MYH1: variants seen among roughly 807,000 people sequenced by gnomAD.
The protein encoded by MYH1 is myosin heavy chain 1, also known as myosin-1.
In MYH1, 214 loss-of-function variants were observed where a neutral mutation model predicts 225.6. That is an observed-to-expected ratio of 0.95 (90% CI 0.85 to 1.06). MYH1 has a LOEUF of 1.06. Ranked by LOEUF, MYH1 falls within the 50% of genes least tolerant of loss-of-function variation. The pLI is 0.00. For synonymous variants in MYH1, 774 were observed against 842.3 expected (o/e 0.92, Z 1.40); for missense variants, 2,098 against 2,344.2 (o/e 0.89, Z 2.17).
chr17:10,501,945 G>T, intron 24 of MYH1, 34 bp from the exon 25 acceptor site: 1 of 1,576,862 alleles, frequency 6.3e-7, no homozygotes, highest in South Asian at 1.2e-5. Context: ...ATGGTTCTTA[G>T]AATGGTAGCA....
At position 10,500,712 on chromosome 17, in the gene MYH1, A is replaced by T; in HGVS notation, c.3779T>A (p.Leu1260Gln). ...CTCTTCCTTGGTCTTAATTTCACTC[A>T]GTTGATCTTCTAGAGCGCGGCACAT... ...EKMCRALEDQ[L>Q]SEIKTKEEEQ... Residue 1260 changes from leucine to glutamine, a missense_variant, in exon 28 of 40, where the codon CTG (leucine) becomes CAG (glutamine). Leu to Gln is a moderately radical substitution (Grantham distance 113). Coordinates refer to ENST00000226207, the MANE Select transcript of MYH1 (RefSeq NM_005963.4). 1 of 1,614,070 alleles carries T rather than the reference A, an allele frequency of 6.2e-7. No individual in the cohort carries two copies. Among genetic ancestry groups the T allele is most frequent in the Non-Finnish European group, 8.5e-7 (1 of 1,179,948 alleles).
At position 10,500,632 on chromosome 17, in the gene MYH1, C is replaced by T. The variant is rs1249269755; in HGVS notation, c.3859G>A (p.Glu1287Lys). ...GTACTGGTACATGGCCCACCTGATT[C>T]TGTTTGCAGGCGCGCTCTCTGTGCT... ...LTAQRARLQT[E>K]SGEYSRQLDE... Residue 1287 changes from glutamate (E) to lysine (K), a missense_variant, in exon 28 of 40, where the codon GAA becomes AAA. Physicochemically the swap from Glu to Lys is moderately conservative, Grantham distance 56. Coordinates refer to ENST00000226207, the MANE Select transcript of MYH1 (RefSeq NM_005963.4). 6.2e-7 allele frequency: 1 copy of T among 1,613,364 alleles called. No homozygotes were observed. Among genetic ancestry groups the T allele is most frequent in the Non-Finnish European group, 8.5e-7 (1 of 1,180,020 alleles).
At chr17:10,494,184 A>T (rs1390239282) in intron 39 of MYH1, among the ~76,000 whole-genome samples, 170 bp downstream of exon 39, 3 of 152,142 alleles carry the variant, frequency 2.0e-5, no homozygotes, top group African/African-American at 2.4e-5. Flanking sequence ...TCTCTAGAAC[A>T]TCTTCTGCTG....
chr17:10,500,809 T>G, intron 27 of MYH1, 57 bp from the exon 28 acceptor site: 1 of 1,609,008 alleles, frequency 6.2e-7, no homozygotes, highest in Non-Finnish European at 8.5e-7. Flanking sequence ...CAAAGAAAGT[T>G]TCAGTAATCT....
chr17:10,512,598 G>C, intron 11 of MYH1, 52 bp from the exon 12 acceptor site: 1 of 1,612,606 alleles, frequency 6.2e-7, no homozygotes, highest in East Asian at 2.2e-5. Context: ...AATTTATACT[G>C]TATCTTTTAC....
chr17:10,513,493 T>A (rs2073192865), intron 9 of MYH1, 133 bp downstream of exon 9: 1 of 880,040 alleles, frequency 1.1e-6, no homozygotes, highest in Non-Finnish European at 1.8e-6. Flanking sequence ...TGGATAAGAC[T>A]GACATTAACC....
intron 2 of MYH1, among the ~76,000 whole-genome samples, chr17:10,517,617 G>A (rs980906499): frequency 6.6e-6 from 1 of 152,188 alleles, no homozygotes; most frequent in African/African-American, 2.4e-5. Flanking sequence ...TTCTCCCATT[G>A]AAACTATGTT....
intron 22 of MYH1, 152 bp downstream of exon 22, chr17:10,504,658 G>T: frequency 2.1e-6 from 2 of 942,046 alleles, no homozygotes; most frequent in Non-Finnish European, 3.1e-6. Flanking sequence ...TAGTAATATT[G>T]TATAGGGAAT....
chr17:10,517,917 C>T (rs3809733), intron 2 of MYH1, among the ~76,000 whole-genome samples: 7,075 of 152,164 alleles, frequency 0.046, 206 homozygotes, highest in South Asian at 0.12. Context: ...TTGAGTAACA[C>T]TTTGAAATGT....
Position 10,501,097 on chromosome 17 carries a change from G to A in MYH1, c.3738+13C>T, listed in dbSNP as rs2073049785. ...CAAAAAACCAAATAATCAATGTGAAGTGTTGATTGTACCTTGGCTTTGGAG... is the reference window on the plus strand; with the variant it reads ...CAAAAAACCAAATAATCAATGTGAAATGTTGATTGTACCTTGGCTTTGGAG... On this transcript the variant is annotated intron_variant, in intron 27 of 39. Coordinates refer to ENST00000226207, the MANE Select transcript of MYH1 (RefSeq NM_005963.4). 3 of 1,611,868 alleles carry A rather than the reference G, an allele frequency of 1.9e-6. No homozygotes were observed. Among genetic ancestry groups the A allele is most frequent in the Non-Finnish European group, 1.7e-6 (2 of 1,178,222 alleles).
At chr17:10,512,341 T>G in intron 12 of MYH1, 67 bp downstream of exon 12, 2 of 1,613,390 alleles carry the variant, frequency 1.2e-6, no homozygotes, top group Non-Finnish European at 1.7e-6. Context: ...AAAGAAGACT[T>G]GAATTTTGGA....
chr17:10,504,943 A>G lies in MYH1; in HGVS notation c.2558T>C (p.Met853Thr). 6.2e-7 allele frequency: 1 copy of G among 1,614,008 alleles called. No homozygotes were observed. Among genetic ancestry groups the G allele is most frequent in the Non-Finnish European group, 8.5e-7 (1 of 1,180,024 alleles). Residue 853 changes from methionine (M) to threonine (T), a missense_variant, in exon 22 of 40, where the codon ATG becomes ACG. Met to Thr is a moderately conservative substitution (Grantham distance 81, BLOSUM62 -1). Coordinates refer to ENST00000226207, the MANE Select transcript of MYH1 (RefSeq NM_005963.4). ...CTCAAATTCTTCCTTCATGTTGGCC[A>G]TCTCCTTCTCTGTCTCTGCACTTTT... ...LLKSAETEKEMANMKEEFEKT... is the reference protein window; with the variant it reads ...LLKSAETEKETANMKEEFEKT...
chr17:10,513,008 C>T (rs1442170354), intron 9 of MYH1, 43 bp from the exon 10 acceptor site: 1 of 1,382,876 alleles, frequency 7.2e-7, no homozygotes, highest in South Asian at 1.2e-5. Flanking sequence ...AAAAATTACA[C>T]AATGTCCTGG....
intron 6 of MYH1, among the ~76,000 whole-genome samples, chr17:10,514,451 A>T (rs975814460): frequency 1.3e-5 from 2 of 152,202 alleles, no homozygotes; most frequent in African/African-American, 4.8e-5. Context: ...TGAAACGTGC[A>T]TGTGTTTTTC....
chr17:10,507,651 C>T (rs375766476), intron 17 of MYH1, among the ~76,000 whole-genome samples: 23 of 152,102 alleles, frequency 1.5e-4, no homozygotes, highest in African/African-American at 5.6e-4. Flanking sequence ...TTCTGCAATT[C>T]GCTTTCATCT....
chr17:10,501,942 T>C, intron 24 of MYH1, 31 bp from the exon 25 acceptor site: 1 of 1,581,052 alleles, frequency 6.3e-7, no homozygotes, highest in Middle Eastern at 1.7e-4. Context: ...AATATGGTTC[T>C]TAGAATGGTA....
At position 10,498,985 on chromosome 17, in the gene MYH1, C is replaced by T. The variant is rs758627359; in HGVS notation, c.3973G>A (p.Glu1325Lys). The T allele has an allele frequency of 5.0e-6, 8 of 1,612,666 alleles. No individual in the cohort carries two copies. The highest frequency in any genetic ancestry group is 1.1e-5 in the South Asian group (1 of 91,006). Reference protein sequence around the residue: ...QIEELKRQLEEEIKAKSALAH... With the variant: ...QIEELKRQLEKEIKAKSALAH... ...CAAGTGGAGCTTACCTTTATCTCCT[C>T]TTCAAGTTGCCTTTTCAGTTCCTCA... The change falls in exon 29 of 40, where the codon GAG (glutamate) becomes AAG (lysine). Residue 1325 changes from glutamate (E) to lysine (K), a missense_variant. Glu to Lys is a moderately conservative substitution (Grantham distance 56, BLOSUM62 1). Coordinates refer to ENST00000226207, the MANE Select transcript of MYH1 (RefSeq NM_005963.4).
chr17:10,497,310 T>C lies in MYH1; in HGVS notation c.4508A>G (p.Lys1503Arg), dbSNP rs1399756795. ...ACGTTGCAAATTCTTATTTTCCCGT[T>C]TCAAGGTTTCAAGTTGGTCTAAAGA... ...EESLDQLETL[K>R]RENKNLQQEI... Residue 1503 changes from lysine to arginine, a missense_variant, in exon 32 of 40, where the codon AAA becomes AGA. Physicochemically the swap from Lys to Arg is conservative, Grantham distance 26. Transcript: ENST00000226207. The C allele has an allele frequency of 1.2e-6, 2 of 1,605,198 alleles. No individual in the cohort carries two copies. Among genetic ancestry groups the C allele is most frequent in the African/African-American group, 2.7e-5 (2 of 74,292 alleles).
chr17:10,495,760 C>CAAAGAAAAAAAA (rs2072983646), intron 35 of MYH1, among the ~76,000 whole-genome samples, 190 bp downstream of exon 35: 1 of 42,142 alleles, frequency 2.4e-5, no homozygotes, highest in Admixed American at 4.4e-4. Context: ...GACTCCGTCT[C>CAAAGAAAAAAAA]AAAAAAAAAA....
Sources: allele counts gnomAD v4.1 joint callset (sites outside exome capture counted in the v4.1 genomes callset), GRCh38; gene constraint gnomAD v4.1.1; transcripts MANE v1.5; gene names NCBI Gene and HGNC (gene_info 2026-07-23, HGNC 2026-07-21).